The following OTOF variants were observed in gnomAD, a reference collection of about 807,000 sequenced individuals.
OTOF encodes otoferlin.
Under a neutral mutation model 236.8 loss-of-function variants are expected in OTOF, and 218 were observed. That is an observed-to-expected ratio of 0.92 (90% confidence interval 0.82 to 1.03). The LOEUF is 1.03. Ranked by LOEUF, OTOF falls within the 50% of genes least tolerant of loss-of-function variation. The pLI is 0.00. For synonymous variants in OTOF, 1,041 were observed against 1,072.5 expected (o/e 0.97, Z 0.57); for missense variants, 2,590 against 2,694.4 (o/e 0.96, Z 0.86).
At chr2:26,551,987 G>A (rs949340033) in intron 1 of OTOF, among the ~76,000 whole-genome samples, 7 of 151,736 alleles carry the variant, frequency 4.6e-5, no homozygotes, top group Non-Finnish European at 1.0e-4. Flanking sequence ...AGCAAGATTG[G>A]CCATGAATTG....
Position 26,480,801 on chromosome 2 carries a change from G to A in OTOF, c.1788C>T (p.Ala596=), listed in dbSNP as rs763836043. 2.5e-6 allele frequency: 4 copies of A among 1,612,260 alleles called. No individual in the cohort carries two copies. In the Admixed American group the frequency reaches 6.7e-5, roughly 27 times the overall value. Residue 596 remains alanine (A), a synonymous_variant, in exon 15 of 47, where the codon GCC becomes GCT. Coordinates refer to ENST00000272371, the MANE Select transcript of OTOF (RefSeq NM_194248.3). ...GGGGTCTCACCTCCGAGATGGGCGT[G>A]GCCTGCTCCACCTGCACCTCTGTGG... ...TSSTEVQVEQ[A]TPISESCAGK...
chr2:26,524,384 C>T lies in OTOF; in HGVS notation c.227+3448G>A, dbSNP rs187025492. 2.2e-3 allele frequency among the ~76,000 whole-genome samples: 333 copies of T among 152,332 alleles called. 1 individual carries two copies. Among genetic ancestry groups the T allele is most frequent in the Non-Finnish European group, 3.5e-3 (236 of 68,032 alleles). On this transcript the variant is annotated intron_variant, in intron 3 of 46. Transcript: ENST00000272371. ...ATTATCCAGGCCTGGTGGCATGCAC[C>T]TGTAGTCCCAGCTACTCGGGAGGCC...
chr2:26,470,989 G>T lies in OTOF; in HGVS notation c.3894+132C>A. 1 of 1,230,046 alleles carries T rather than the reference G, an allele frequency of 8.1e-7. No individual in the cohort carries two copies. The highest frequency in any genetic ancestry group is 1.2e-6 in the Non-Finnish European group (1 of 836,344). The allele number at this position is 1,230,046 out of a possible 1,614,324, so 76.2% of individuals were successfully genotyped here. A position where few individuals can be genotyped will look rare whatever the true frequency, so the allele number is the denominator to read the frequency against. ...CCCAGCTCTTTTCCACTGCATCTTA[G>T]GGGAGGTGTGCTGGCCCAAGCATGC... On this transcript the variant is annotated intron_variant, in intron 31 of 46. Transcript: ENST00000272371. This position sits in a 1 kb window ranked among gnomAD's most constrained non-coding sequence, Gnocchi z 4.3.
At chr2:26,557,480 G>A (rs568394498) in intron 1 of OTOF, among the ~76,000 whole-genome samples, 1 of 152,204 alleles carries the variant, frequency 6.6e-6, no homozygotes, top group African/African-American at 2.4e-5. Context: ...CAGGGGCTCC[G>A]CTGTCCCCGG....
At position 26,479,365 on chromosome 2, in the gene OTOF, A is replaced by C; in HGVS notation, c.2113T>G (p.Tyr705Asp). 6.2e-7 allele frequency: 1 copy of C among 1,612,620 alleles called. No homozygotes were observed. The highest frequency in any genetic ancestry group is 8.5e-7 in the Non-Finnish European group (1 of 1,179,888). ...VTDRNYFHLP[Y>D]LERKPCIYIK... ...TAGATGCAGGGCTTTCGCTCCAGGT[A>C]GGGCAGATGGAAGTAGTTCCTGGGG... The change falls in exon 18 of 47, where the codon TAC (tyrosine) becomes GAC (aspartate). Residue 705 changes from tyrosine (Y) to aspartate (D), a missense_variant. By Grantham distance (160) the Tyr-to-Asp change is radical. Transcript: ENST00000272371.
intron 2 of OTOF, among the ~76,000 whole-genome samples, chr2:26,531,720 C>T (rs1033782939): frequency 1.3e-5 from 2 of 152,014 alleles, no homozygotes; most frequent in African/African-American, 2.4e-5. Context: ...GAGAACACAG[C>T]AAGACGAGAT....
intron 15 of OTOF, 107 bp downstream of exon 15, chr2:26,480,679 C>A: frequency 1.1e-6 from 1 of 920,186 alleles, no homozygotes. Flanking sequence ...GGTATGACTC[C>A]TCAGGTAGAC....
intron 3 of OTOF, among the ~76,000 whole-genome samples, chr2:26,523,155 A>T (rs1201436159): frequency 6.6e-6 from 1 of 152,248 alleles, no homozygotes; most frequent in Non-Finnish European, 1.5e-5. Context: ...TGGCATCCTT[A>T]GCAGGCAGGA....
At chr2:26,555,383 C>T (rs1489754937) in intron 1 of OTOF, among the ~76,000 whole-genome samples, 1 of 152,216 alleles carries the variant, frequency 6.6e-6, no homozygotes, top group Non-Finnish European at 1.5e-5. Flanking sequence ...CCTGGAGGGC[C>T]AGGCTGGCCC....
intron 5 of OTOF, among the ~76,000 whole-genome samples, chr2:26,514,695 G>T (rs1011121888): frequency 6.6e-6 from 1 of 152,214 alleles, no homozygotes; most frequent in Admixed American, 6.5e-5. Context: ...ACCTACAGGG[G>T]CTGGTGACAT....
At chr2:26,494,582 G>T (rs1665929271) in intron 9 of OTOF, among the ~76,000 whole-genome samples, 1 of 149,754 alleles carries the variant, frequency 6.7e-6, no homozygotes, top group African/African-American at 2.5e-5. Flanking sequence ...GCCACCATGG[G>T]TTGGAATGAG....
intron 1 of OTOF, among the ~76,000 whole-genome samples, chr2:26,548,283 C>G (rs1370298891): frequency 6.6e-6 from 1 of 151,880 alleles, no homozygotes; most frequent in Non-Finnish European, 1.5e-5. Context: ...TTATACTGTC[C>G]TTGGGTTTAA....
chr2:26,516,667 T>A lies in OTOF; in HGVS notation c.328-68A>T, dbSNP rs535732794. 150 of 1,534,808 alleles carry A rather than the reference T, an allele frequency of 9.8e-5. No homozygotes were observed. In the East Asian group the frequency reaches 3.3e-3, roughly 34 times the overall value. ...GCAATCTCCACCCCGTATATGTGGC[T>A]GCTTGGTGGTGTTTACACAGCGCTT... is the stretch of plus-strand genomic sequence containing the variant. On this transcript the variant is annotated intron_variant, in intron 4 of 46. Coordinates refer to ENST00000272371, the MANE Select transcript of OTOF (RefSeq NM_194248.3).
chr2:26,490,079 C>T (rs990606639), intron 9 of OTOF, among the ~76,000 whole-genome samples: 3 of 152,248 alleles, frequency 2.0e-5, no homozygotes, highest in Non-Finnish European at 4.4e-5. Context: ...AGTCCCCGCT[C>T]TGCACCTTCT....
intron 1 of OTOF, among the ~76,000 whole-genome samples, chr2:26,550,212 G>A (rs1358328093): frequency 1.3e-5 from 2 of 152,138 alleles, no homozygotes; most frequent in East Asian, 1.9e-4. Flanking sequence ...TTGAGGCAGC[G>A]TCTAGCAGGT....
chr2:26,457,891 G>A lies in OTOF; in HGVS notation c.*347C>T, dbSNP rs556575431. Reference sequence around the variant, plus strand: ...GCAGCCTGGGGCAGTGAGGACAGGCGGCCCCCGCAAGCAGGAGGCAGGCTC... The same window carrying A: ...GCAGCCTGGGGCAGTGAGGACAGGCAGCCCCCGCAAGCAGGAGGCAGGCTC... On this transcript the variant is annotated 3_prime_UTR_variant, in exon 47 of 47. Coordinates refer to ENST00000272371, the MANE Select transcript of OTOF (RefSeq NM_194248.3). The surrounding 1 kb of genome is among the most constrained non-coding windows in gnomAD (Gnocchi z 4.4). 12 of 780,676 alleles carry A rather than the reference G, an allele frequency of 1.5e-5. No homozygotes were observed. Among genetic ancestry groups the A allele is most frequent in the East Asian group, 1.2e-4 (5 of 40,408 alleles). The allele number at this position is 780,676 out of a possible 1,614,324, so 48.4% of individuals were successfully genotyped here.
intron 16 of OTOF, among the ~76,000 whole-genome samples, 166 bp from the exon 17 acceptor site, chr2:26,479,819 C>A (rs934104204): frequency 6.6e-5 from 10 of 152,256 alleles, no homozygotes; most frequent in Non-Finnish European, 1.2e-4. Flanking sequence ...CGTGTCCCCA[C>A]TCCGCTGAGA....
At chr2:26,501,460 G>C (rs1558501926) in intron 8 of OTOF, among the ~76,000 whole-genome samples, 1 of 152,142 alleles carries the variant, frequency 6.6e-6, no homozygotes, top group Non-Finnish European at 1.5e-5. Flanking sequence ...TCTCTTTATG[G>C]TTTTTCTAGG....
intron 38 of OTOF, 140 bp downstream of exon 38, chr2:26,465,532 A>C: frequency 4.7e-6 from 4 of 852,238 alleles, no homozygotes; most frequent in Non-Finnish European, 7.5e-6. Flanking sequence ...GACTGTGCCC[A>C]GGGACTGTAG....
Sources: allele counts gnomAD v4.1 joint callset (sites outside exome capture counted in the v4.1 genomes callset), GRCh38; gene constraint gnomAD v4.1.1; non-coding constraint Gnocchi (gnomAD v3.1); transcripts MANE v1.5; gene names NCBI Gene and HGNC (gene_info 2026-07-23, HGNC 2026-07-21).